Variants in SOX5 observed in about 807,000 individuals in gnomAD.
The protein encoded by SOX5 is transcription factor SOX-5.
SOX5 carries 9 observed loss-of-function variants against 92.0 expected under a neutral mutation model. The observed-to-expected ratio is 0.10, with a 90% CI of 0.06 to 0.17. The LOEUF (loss-of-function observed/expected upper bound fraction) is 0.17. Ranked by LOEUF, SOX5 falls within the 10% of genes least tolerant of loss-of-function variation. The pLI, the probability that SOX5 is intolerant of heterozygous loss-of-function variation, is 1.00. For synonymous variants in SOX5, 344 were observed against 336.3 expected, an observed-to-expected ratio of 1.02 and a Z score of -0.25; for missense variants, 642 against 944.5, an observed-to-expected ratio of 0.68 and a Z score of 4.20.
chr12:24,134,602 G>A (rs1303458247), intron 4 of SOX5, among the ~76,000 whole-genome samples: 1 of 152,128 alleles, frequency 6.6e-6, no homozygotes, highest in South Asian at 2.1e-4. Flanking sequence ...AGACATTTGA[G>A]AGAGGGAGGT....
At chr12:23,629,222 GC>G (rs899419823) in intron 8 of SOX5, among the ~76,000 whole-genome samples, 2 of 152,028 alleles carry the variant, frequency 1.3e-5, no homozygotes, top group African/African-American at 4.8e-5. Context: ...TTACCAATAT[GC>G]AAATCCTAAC....
At chr12:24,083,498 A>G (rs371018482) in intron 4 of SOX5, among the ~76,000 whole-genome samples, 2 of 152,114 alleles carry the variant, frequency 1.3e-5, no homozygotes, top group Admixed American at 6.6e-5. Flanking sequence ...AAAACATACA[A>G]TTAAACATTT....
intron 1 of SOX5, among the ~76,000 whole-genome samples, chr12:24,548,203 C>T (rs899217490): frequency 9.9e-5 from 15 of 152,208 alleles, no homozygotes; most frequent in African/African-American, 3.6e-4. Flanking sequence ...TATTGAGCTA[C>T]AGCATCGATG....
chr12:23,593,794 G>T (rs1951925888), intron 9 of SOX5, among the ~76,000 whole-genome samples: 1 of 151,936 alleles, frequency 6.6e-6, no homozygotes, highest in Non-Finnish European at 1.5e-5. Flanking sequence ...ATGTTTATAT[G>T]ACAGGAGGTG....
At chr12:23,730,339 T>G (rs1015771760) in intron 6 of SOX5, among the ~76,000 whole-genome samples, 4 of 152,156 alleles carry the variant, frequency 2.6e-5, no homozygotes, top group African/African-American at 9.7e-5. Context: ...TTTAAAAAAG[T>G]ATCTTTTAAG....
chr12:24,483,726 T>C (rs1413690330), intron 1 of SOX5, among the ~76,000 whole-genome samples: 1 of 152,236 alleles, frequency 6.6e-6, no homozygotes, highest in Non-Finnish European at 1.5e-5. Context: ...CCTGTGACAA[T>C]AATTTGGCTC....
At chr12:23,544,500 C>T (rs1942749175) in intron 12 of SOX5, among the ~76,000 whole-genome samples, 1 of 152,162 alleles carries the variant, frequency 6.6e-6, no homozygotes, top group African/African-American at 2.4e-5. Context: ...CATTCCTCAT[C>T]TTTTCTTTAT....
At chr12:24,210,623 C>T (rs1339214303) in intron 4 of SOX5, among the ~76,000 whole-genome samples, 1 of 152,032 alleles carries the variant, frequency 6.6e-6, no homozygotes, top group Non-Finnish European at 1.5e-5. Context: ...ACTGAATGCA[C>T]ACAATTTTTA....
intron 8 of SOX5, among the ~76,000 whole-genome samples, chr12:23,622,736 C>G (rs1177084125): frequency 1.3e-5 from 2 of 152,048 alleles, no homozygotes; most frequent in African/African-American, 4.8e-5. Flanking sequence ...TACTTAAATA[C>G]TATGCTATAC....
chr12:23,678,009 C>T (rs1310283068), intron 6 of SOX5, among the ~76,000 whole-genome samples: 2 of 152,074 alleles, frequency 1.3e-5, no homozygotes, highest in African/African-American at 4.8e-5. Context: ...CAATGAGATG[C>T]TTGTCTAACT....
rs1305940143 is a variant in SOX5 at position 24,218,087 on chromosome 12, TAG to T, written c.-76-4672_-76-4671del. ...TTTGCAATTCCTAGAAGTTTACAAA[TAG>T]AGTTACCAAAATGACCCAGCCATTC... On this transcript the variant is annotated intron_variant, in intron 3 of 4. Coordinates refer to the SOX5 transcript ENST00000446891. 7.2e-5 allele frequency among the ~76,000 whole-genome samples: 11 copies of T among 152,332 alleles called. No homozygotes were observed. The East Asian group carries it at 1.5e-3, about 21-fold the overall frequency.
intron 6 of SOX5, among the ~76,000 whole-genome samples, chr12:23,668,353 T>C: frequency 6.6e-6 from 1 of 152,200 alleles, no homozygotes; most frequent in Non-Finnish European, 1.5e-5. Flanking sequence ...CATTCACTAA[T>C]TCAGTGTTCA....
chr12:24,079,517 AT>A (rs1943071095), intron 4 of SOX5, among the ~76,000 whole-genome samples: 1 of 152,018 alleles, frequency 6.6e-6, no homozygotes, highest in South Asian at 2.1e-4. Flanking sequence ...ATTTATTTTT[AT>A]TAAATGAGAG....
chr12:23,943,432 T>C (rs554888898), intron 1 of SOX5, among the ~76,000 whole-genome samples: 1 of 152,132 alleles, frequency 6.6e-6, no homozygotes, highest in East Asian at 1.9e-4. Context: ...CAGATAAAAA[T>C]TCATCACGAC....
chr12:24,065,121 C>G (rs80235076), intron 4 of SOX5, among the ~76,000 whole-genome samples: 2 of 152,130 alleles, frequency 1.3e-5, no homozygotes, highest in East Asian at 1.9e-4. Context: ...TAGGGATGTG[C>G]GGATGTGTAA....
chr12:24,069,539 C>T (rs1240002504), intron 4 of SOX5, among the ~76,000 whole-genome samples: 1 of 152,004 alleles, frequency 6.6e-6, no homozygotes, highest in Non-Finnish European at 1.5e-5. Flanking sequence ...AAAGAGTCTC[C>T]CAAAATGACA....
chr12:24,140,454 T>C (rs1330920050), intron 4 of SOX5, among the ~76,000 whole-genome samples: 1 of 152,194 alleles, frequency 6.6e-6, no homozygotes, highest in Non-Finnish European at 1.5e-5. Flanking sequence ...ATGTATACCA[T>C]TATAAGTAAA....
intron 1 of SOX5, among the ~76,000 whole-genome samples, chr12:24,519,577 T>A (rs1950087849): frequency 6.6e-6 from 1 of 152,060 alleles, no homozygotes; most frequent in African/African-American, 2.4e-5. Context: ...AATTCCTGGG[T>A]TGGAAAAATG....
chr12:23,859,272 T>G (rs2096728005), intron 2 of SOX5, among the ~76,000 whole-genome samples: 1 of 152,168 alleles, frequency 6.6e-6, no homozygotes, highest in Non-Finnish European at 1.5e-5. Context: ...GAATTCTTTT[T>G]CCAGCAAGGA....
Sources: allele counts gnomAD v4.1 joint callset (sites outside exome capture counted in the v4.1 genomes callset), GRCh38; gene constraint gnomAD v4.1.1; transcripts MANE v1.5; gene names NCBI Gene and HGNC (gene_info 2026-07-23, HGNC 2026-07-21).